The following TENM2 variants were observed in gnomAD, a reference collection of about 807,000 sequenced individuals.
TENM2 encodes teneurin transmembrane protein 2.
In TENM2, 52 loss-of-function variants were observed where a neutral mutation model predicts 245.2. That is an observed-to-expected ratio of 0.21 (90% CI 0.17 to 0.27). TENM2 has a LOEUF of 0.27. TENM2 is among the 10% of genes least tolerant of loss of function. The probability of loss-of-function intolerance (pLI) is 1.00; values close to 1 mark genes in which losing one functional copy is unlikely to be tolerated. For missense variants in TENM2, 3,046 were observed against 3,666.8 expected (o/e 0.83, Z 4.37); for synonymous variants, 1,363 against 1,438.9 (o/e 0.95, Z 1.19).
intron 13 of TENM2, among the ~76,000 whole-genome samples, chr5:168,170,872 C>A (rs1413346604): frequency 6.6e-6 from 1 of 152,218 alleles, no homozygotes; most frequent in African/African-American, 2.4e-5. Flanking sequence ...AAGGGTTTCT[C>A]ATGGAGTTAG....
intron 2 of TENM2, among the ~76,000 whole-genome samples, chr5:167,854,166 G>A (rs1240837011): frequency 6.6e-6 from 1 of 152,094 alleles, no homozygotes; most frequent in Admixed American, 6.6e-5. Context: ...TTTCAGCAAA[G>A]ATCTCCATCT....
intron 14 of TENM2, among the ~76,000 whole-genome samples, chr5:168,192,640 T>C (rs1173638822): frequency 9.2e-5 from 14 of 152,180 alleles, no homozygotes; most frequent in Admixed American, 9.2e-4. Flanking sequence ...GAAGAACCTC[T>C]CAAGAAAATA....
the TENM2 span, among the ~76,000 whole-genome samples, chr5:167,169,441 C>T: frequency 6.6e-6 from 1 of 152,176 alleles, no homozygotes; most frequent in Admixed American, 6.5e-5. Context: ...TTCCTGTGGT[C>T]ACATTGCAAC....
intron 2 of TENM2, among the ~76,000 whole-genome samples, chr5:167,652,403 CT>C (rs1754533918): frequency 1.3e-5 from 2 of 151,816 alleles, no homozygotes; most frequent in Non-Finnish European, 2.9e-5. Context: ...TATTTTTATC[CT>C]CTTCTATAAC....
At chr5:168,203,919 C>T (rs1762139569) in intron 18 of TENM2, 87 bp downstream of exon 20, 3 of 1,179,298 alleles carry the variant, frequency 2.5e-6, no homozygotes, top group African/African-American at 3.1e-5. Context: ...GTGATCACAC[C>T]TCCCCTTCCC....
chr5:167,083,845 T>C, the TENM2 span, among the ~76,000 whole-genome samples: 2 of 152,308 alleles, frequency 1.3e-5, no homozygotes, highest in Admixed American at 6.5e-5. Flanking sequence ...ACACTGCTAT[T>C]TTAACAGGAC....
chr5:167,647,348 G>T (rs1187810822), intron 2 of TENM2, among the ~76,000 whole-genome samples: 1 of 152,126 alleles, frequency 6.6e-6, no homozygotes. Context: ...ATGGCCGGGC[G>T]CAGTGGCTCA....
intron 1 of TENM2, among the ~76,000 whole-genome samples, chr5:167,342,754 C>G (rs1308868855): frequency 3.3e-5 from 5 of 151,806 alleles, no homozygotes; most frequent in Non-Finnish European, 7.4e-5. Flanking sequence ...GTCTCGATCT[C>G]CTGACCTCAT....
chr5:167,604,436 A>T (rs932109594), intron 2 of TENM2, among the ~76,000 whole-genome samples: 8 of 152,144 alleles, frequency 5.3e-5, no homozygotes, highest in African/African-American at 1.4e-4. Flanking sequence ...CAGAAGATTG[A>T]TGTGGGTTTG....
intron 2 of TENM2, among the ~76,000 whole-genome samples, chr5:167,683,991 C>T (rs1215381151): frequency 1.3e-5 from 2 of 152,180 alleles, no homozygotes; most frequent in Non-Finnish European, 2.9e-5. Flanking sequence ...ACATTGCACA[C>T]TCCATGTGGA....
intron 2 of TENM2, among the ~76,000 whole-genome samples, chr5:167,709,906 C>T (rs1582812906): frequency 6.6e-6 from 1 of 152,068 alleles, no homozygotes; most frequent in Admixed American, 6.5e-5. Context: ...CTTGATCAAC[C>T]ATCTACATTT....
the TENM2 span, among the ~76,000 whole-genome samples, chr5:167,164,608 A>G: frequency 5.7e-4 from 87 of 152,290 alleles, no homozygotes; most frequent in South Asian, 0.017. Context: ...ATTAACTGAT[A>G]ATTATTTGAG....
At chr5:168,224,855 G>C (rs527304714) in intron 23 of TENM2, among the ~76,000 whole-genome samples, 2 of 152,126 alleles carry the variant, frequency 1.3e-5, no homozygotes, top group Non-Finnish European at 2.9e-5. Context: ...GCCTGGAAAC[G>C]AGCCTGCTTT....
chr5:167,338,865 A>C (rs933041480), intron 1 of TENM2, among the ~76,000 whole-genome samples: 3 of 152,208 alleles, frequency 2.0e-5, no homozygotes, highest in Non-Finnish European at 4.4e-5. Flanking sequence ...CACACGTGAC[A>C]GAAAGAGAGA....
Position 168,176,639 on chromosome 5 carries a change from C to T in TENM2, c.2570-13698C>T, listed in dbSNP as rs76076916. Among the ~76,000 whole-genome samples, 1,113 of 152,244 alleles carry T rather than the reference C, an allele frequency of 7.3e-3. 3 individuals carry two copies. Among genetic ancestry groups the T allele is most frequent in the Non-Finnish European group, 0.01 (708 of 68,022 alleles). On this transcript the variant is annotated intron_variant, in intron 13 of 28. Transcript: ENST00000518659. Reference sequence around the variant, plus strand: ...ACACTGTCACTGTAATTCCATCATGCATTCATTGTTTATTGTCTATTTTCC... The same window carrying T: ...ACACTGTCACTGTAATTCCATCATGTATTCATTGTTTATTGTCTATTTTCC...
chr5:167,216,532 G>A, the TENM2 span, among the ~76,000 whole-genome samples: 1 of 152,110 alleles, frequency 6.6e-6, no homozygotes, highest in Non-Finnish European at 1.5e-5. Flanking sequence ...TATTTAGCCT[G>A]AATACTAGGT....
chr5:167,202,765 T>C, the TENM2 span, among the ~76,000 whole-genome samples: 22 of 152,160 alleles, frequency 1.4e-4, no homozygotes, highest in Non-Finnish European at 3.1e-4. Context: ...GGGAGGATGA[T>C]GTTGAAGTGG....
the TENM2 span, among the ~76,000 whole-genome samples, chr5:167,181,679 A>G: frequency 1.3e-5 from 2 of 152,182 alleles, no homozygotes; most frequent in Admixed American, 6.5e-5. Context: ...AAATATACTA[A>G]TGAAAATATT....
chr5:167,794,575 G>T (rs1190914175), intron 2 of TENM2, among the ~76,000 whole-genome samples: 1 of 152,192 alleles, frequency 6.6e-6, no homozygotes, highest in Admixed American at 6.5e-5. Flanking sequence ...TCAAATTCAT[G>T]CAATAAAGAG....
Sources: gnomAD v4.1 joint callset for allele counts (sites outside exome capture counted in the v4.1 genomes callset) on GRCh38, gnomAD v4.1.1 for gene constraint, MANE v1.5 for transcripts, NCBI Gene and HGNC (gene_info 2026-07-23, HGNC 2026-07-21) for gene names.